Variants in CEP192 observed in about 807,000 individuals in gnomAD.
CEP192 encodes centrosomal protein 192.
CEP192 carries 151 observed loss-of-function variants against 271.8 expected under a neutral mutation model. The observed-to-expected ratio is 0.56, with a 90% CI of 0.49 to 0.64. CEP192 has a LOEUF of 0.64. CEP192 is among the 30% of genes least tolerant of loss of function. CEP192 has a pLI of 0.00. For synonymous variants in CEP192, 995 were observed against 1,076.5 expected (o/e 0.92, Z 1.48); for missense variants, 2,910 against 3,020.5 (o/e 0.96, Z 0.86).
chr18:13,081,653 C>T (rs1233279461), intron 30 of CEP192, among the ~76,000 whole-genome samples: 4 of 152,098 alleles, frequency 2.6e-5, no homozygotes, highest in African/African-American at 9.7e-5. Flanking sequence ...CTGCTCTGAT[C>T]TTCAGTATTT....
At chr18:13,030,187 G>GATCT (rs2035536940) in intron 10 of CEP192, among the ~76,000 whole-genome samples, 185 bp downstream of exon 10, 1 of 152,228 alleles carries the variant, frequency 6.6e-6, no homozygotes, top group African/African-American at 2.4e-5. Flanking sequence ...TTTTCTCACA[G>GATCT]ATCTAGTGAA....
rs1327511331 is a variant in CEP192, at chr18:13,042,352, T to A, written c.2067+18T>A. ...AAACAGAGGTAGCTTCAGCCTTTCG[T>A]AAGGAAATCTAAGATTATCTTGTTG... On this transcript the variant is annotated intron_variant, in intron 15 of 44. Transcript: ENST00000506447. 6 of 1,612,682 alleles carry A rather than the reference T, an allele frequency of 3.7e-6. No individual in the cohort carries two copies. Among genetic ancestry groups the A allele is most frequent in the Non-Finnish European group, 5.1e-6 (6 of 1,179,138 alleles).
chr18:13,089,376 A>C lies in CEP192; in HGVS notation c.5994-80A>C, dbSNP rs563488425. On this transcript the variant is annotated intron_variant, in intron 32 of 44. Transcript: ENST00000506447. The stretch of plus-strand genomic sequence containing the variant: ...TATCAGTATTAGTGGGATTTGCCAA[A>C]TGCATTAGTGAAAATCTAATTAAAG... 7.6e-6 allele frequency: 5 copies of C among 661,032 alleles called. No homozygotes were observed. In the South Asian group the frequency reaches 1.1e-4, roughly 15 times the overall value. 40.9% of individuals were successfully genotyped at this position (661,032 alleles called of 1,614,324 possible). A position where few individuals can be genotyped will look rare whatever the true frequency, so the allele number is the denominator to read the frequency against.
chr18:13,092,558 G>C, intron 34 of CEP192, 31 bp downstream of exon 34: 1 of 1,520,056 alleles, frequency 6.6e-7, no homozygotes. Flanking sequence ...TCTTTCACCA[G>C]ATTTCAGGAT....
chr18:13,067,351 G>C (rs1034751516), intron 21 of CEP192, among the ~76,000 whole-genome samples: 2 of 152,158 alleles, frequency 1.3e-5, no homozygotes, highest in African/African-American at 4.8e-5. Flanking sequence ...TGAGGGGTCT[G>C]AGTTTGGTTG....
chr18:12,994,457 T>A (rs1408552985), intron 1 of CEP192, among the ~76,000 whole-genome samples: 1 of 151,944 alleles, frequency 6.6e-6, no homozygotes, highest in Non-Finnish European at 1.5e-5. Flanking sequence ...ACAGGCCTCA[T>A]AGAGTTTTCA....
At chr18:13,068,791 A>G (rs2144390607) in intron 24 of CEP192, 61 bp from the exon 25 acceptor site, 1 of 1,591,972 alleles carries the variant, frequency 6.3e-7, no homozygotes, top group South Asian at 1.1e-5. Flanking sequence ...GGGACTGCTG[A>G]TGGCATTTAG....
chr18:13,005,251 A>C (rs1159410641), intron 3 of CEP192, among the ~76,000 whole-genome samples: 7 of 152,152 alleles, frequency 4.6e-5, no homozygotes, highest in Admixed American at 4.6e-4. Context: ...GGTGAAAGGA[A>C]TGTTCAGAGA....
intron 1 of CEP192, among the ~76,000 whole-genome samples, chr18:12,995,613 A>G (rs889540453): frequency 6.6e-6 from 1 of 152,210 alleles, no homozygotes; most frequent in East Asian, 1.9e-4. Context: ...TCCTGCCCTC[A>G]TAGAGCTTAC....
Position 13,097,107 on chromosome 18 carries a change from A to G in CEP192, c.6557+800A>G, listed in dbSNP as rs2039436700. ...TGAGGCATGGTCAGGGACACTCCAGAGAGCGTTGCTGGGACCAGAGCAGTC... is the reference window on the plus strand; with the variant it reads ...TGAGGCATGGTCAGGGACACTCCAGGGAGCGTTGCTGGGACCAGAGCAGTC... On this transcript the variant is annotated intron_variant, in intron 36 of 44. Coordinates refer to ENST00000506447, the MANE Select transcript of CEP192 (RefSeq NM_032142.4). Among the ~76,000 whole-genome samples the G allele has an allele frequency of 2.6e-5, 4 of 152,242 alleles. No individual in the cohort carries two copies. In the South Asian group the frequency reaches 8.3e-4, roughly 32 times the overall value.
chr18:13,007,583 A>G (rs2034063837), intron 3 of CEP192, among the ~76,000 whole-genome samples: 1 of 152,094 alleles, frequency 6.6e-6, no homozygotes, highest in Admixed American at 6.5e-5. Flanking sequence ...GTAACTATGT[A>G]TAGTCTTTCC....
In CEP192 at chr18:13,051,894, G is replaced by A. The variant is rs908760442; in HGVS notation, c.3018-1025G>A. Reference sequence around the variant, plus strand: ...ATTCAAATTTGAATTTTCTGTGTACGTCCATTGCCTAGCTGAGTATTCTGA... The same window carrying A: ...ATTCAAATTTGAATTTTCTGTGTACATCCATTGCCTAGCTGAGTATTCTGA... On this transcript the variant is annotated intron_variant, in intron 17 of 44. Coordinates refer to ENST00000506447, the MANE Select transcript of CEP192 (RefSeq NM_032142.4). 5.3e-5 allele frequency among the ~76,000 whole-genome samples: 8 copies of A among 152,182 alleles called. No homozygotes were observed. The East Asian group carries it at 5.8e-4, about 11-fold the overall frequency.
intron 9 of CEP192, among the ~76,000 whole-genome samples, chr18:13,020,297 C>T (rs1170565001): frequency 6.6e-6 from 1 of 152,180 alleles, no homozygotes; most frequent in African/African-American, 2.4e-5. Flanking sequence ...AATTTGCCCA[C>T]TCTGGGTAAC....
chr18:13,067,974 G>A lies in CEP192; in HGVS notation c.4614+18G>A. 1.2e-6 allele frequency: 2 copies of A among 1,603,164 alleles called. No homozygotes were observed. Among genetic ancestry groups the A allele is most frequent in the African/African-American group, 1.3e-5 (1 of 74,736 alleles). On this transcript the variant is annotated intron_variant, in intron 22 of 44. Coordinates refer to ENST00000506447, the MANE Select transcript of CEP192 (RefSeq NM_032142.4). Reference sequence around the variant, plus strand: ...TTAATGCTGTAAGTATGAACATACAGTAAGAAACCATTTACAGAATGCACT... The same window carrying A: ...TTAATGCTGTAAGTATGAACATACAATAAGAAACCATTTACAGAATGCACT...
At chr18:13,065,236 A>C (rs1472131867) in intron 21 of CEP192, among the ~76,000 whole-genome samples, 1 of 151,758 alleles carries the variant, frequency 6.6e-6, no homozygotes, top group Non-Finnish European at 1.5e-5. Context: ...TGTTATCACC[A>C]TGGGATGTAA....
intron 15 of CEP192, among the ~76,000 whole-genome samples, chr18:13,045,514 T>C (rs1286430884): frequency 1.3e-5 from 2 of 152,236 alleles, no homozygotes; most frequent in Non-Finnish European, 2.9e-5. Flanking sequence ...TTGTAGGGAA[T>C]GTCTGTTATG....
rs1464253626 is a variant in CEP192, at chr18:13,057,607, G to A, written c.4131G>A (p.Glu1377=). 4.3e-6 allele frequency: 7 copies of A among 1,614,150 alleles called. No individual in the cohort carries two copies. The highest frequency in any genetic ancestry group is 5.9e-6 in the Non-Finnish European group (7 of 1,180,004). ...SGLGSVRVPE[E]LKLPHACCVG... The stretch of plus-strand genomic sequence containing the variant: ...CAGGGAGTGTCCGAGTGCCCGAGGA[G>A]TTGAAGCTTCCTCATGCTTGCTGTG... The change falls in exon 20 of 45, where the codon GAG becomes GAA. Residue 1377 remains glutamate, a synonymous_variant. Coordinates refer to ENST00000506447, the MANE Select transcript of CEP192 (RefSeq NM_032142.4).
At chr18:13,060,511 G>T (rs1310793941) in intron 21 of CEP192, among the ~76,000 whole-genome samples, 1 of 152,112 alleles carries the variant, frequency 6.6e-6, no homozygotes, top group Admixed American at 6.5e-5. Context: ...TGTTATGATG[G>T]CTATATCACA....
intron 5 of CEP192, among the ~76,000 whole-genome samples, chr18:13,015,007 C>T (rs1034280659): frequency 1.3e-5 from 2 of 152,140 alleles, no homozygotes; most frequent in Non-Finnish European, 2.9e-5. Flanking sequence ...TTCACTTTCT[C>T]GTAAGCCTTG....
Sources: gnomAD v4.1 joint callset for allele counts (sites outside exome capture counted in the v4.1 genomes callset) on GRCh38, gnomAD v4.1.1 for gene constraint, MANE v1.5 for transcripts, NCBI Gene and HGNC (gene_info 2026-07-23, HGNC 2026-07-21) for gene names.